Variants in ASCC3 observed in about 807,000 individuals in gnomAD.
The protein encoded by ASCC3 is activating signal cointegrator 1 complex subunit 3, also known as ASC-1 complex subunit P200.
A neutral mutation model predicts 256.3 loss-of-function variants in ASCC3; 158 were observed. That is an observed-to-expected ratio of 0.62 (90% CI 0.54 to 0.70). The LOEUF (loss-of-function observed/expected upper bound fraction) is 0.70, where lower values mean the gene tolerates loss of function less well. ASCC3 is among the 30% of genes least tolerant of loss of function. The pLI is 0.00. For missense variants in ASCC3, 2,259 were observed against 2,626.0 expected, an observed-to-expected ratio of 0.86 and a Z score of 3.05; for synonymous variants, 948 against 883.4, an observed-to-expected ratio of 1.07 and a Z score of -1.30.
intron 11 of ASCC3, 129 bp from the exon 12 acceptor site, chr6:100,718,380 C>G (rs1028057379): frequency 2.9e-6 from 2 of 678,986 alleles, no homozygotes; most frequent in African/African-American, 3.6e-5. Flanking sequence ...AATTGAGGGT[C>G]CTATCATGTC....
intron 4 of ASCC3, among the ~76,000 whole-genome samples, chr6:100,833,061 C>CA (rs1165501809): frequency 6.6e-6 from 1 of 151,884 alleles, no homozygotes; most frequent in African/African-American, 2.4e-5. Flanking sequence ...ACATATCCTT[C>CA]AATAGGTGAA....
At chr6:100,625,140 T>C (rs1051587538) in intron 30 of ASCC3, 52 bp downstream of exon 30, 2 of 1,598,430 alleles carry the variant, frequency 1.3e-6, no homozygotes, top group African/African-American at 1.3e-5. Context: ...ATCATTCTAA[T>C]ATAATACAAC....
At chr6:100,849,270 T>G (rs550039092) in intron 3 of ASCC3, among the ~76,000 whole-genome samples, 1 of 152,326 alleles carries the variant, frequency 6.6e-6, no homozygotes, top group African/African-American at 2.4e-5. Context: ...TAACAATCCT[T>G]ACAGCTTCTT....
intron 34 of ASCC3, among the ~76,000 whole-genome samples, chr6:100,596,418 A>G (rs1240810220): frequency 6.6e-6 from 1 of 152,108 alleles, no homozygotes; most frequent in Non-Finnish European, 1.5e-5. Context: ...TAACATGACT[A>G]ATTTAGTTGG....
chr6:100,718,909 T>TATCC (rs1393243830), intron 11 of ASCC3, among the ~76,000 whole-genome samples: 1 of 152,124 alleles, frequency 6.6e-6, no homozygotes, highest in African/African-American at 2.4e-5. Context: ...AACCAAGGGA[T>TATCC]GGCCAAAAAC....
intron 3 of ASCC3, among the ~76,000 whole-genome samples, chr6:100,849,223 A>C (rs1455974162): frequency 2.0e-5 from 3 of 152,330 alleles, no homozygotes; most frequent in Non-Finnish European, 2.9e-5. Flanking sequence ...AATCATTATC[A>C]GTAATTATTA....
At chr6:100,840,330 T>A (rs1484104934) in intron 4 of ASCC3, among the ~76,000 whole-genome samples, 1 of 151,380 alleles carries the variant, frequency 6.6e-6, no homozygotes, top group Non-Finnish European at 1.5e-5. Context: ...AGCATAAGAG[T>A]CTTTTTGTTT....
intron 36 of ASCC3, among the ~76,000 whole-genome samples, chr6:100,571,519 G>A (rs1368854584): frequency 6.6e-6 from 1 of 152,052 alleles, no homozygotes; most frequent in African/African-American, 2.4e-5. Flanking sequence ...TATCCTCCAT[G>A]GCTGGAATAT....
chr6:100,778,805 C>T (rs899746461), intron 8 of ASCC3, among the ~76,000 whole-genome samples: 7 of 152,016 alleles, frequency 4.6e-5, no homozygotes, highest in Admixed American at 3.9e-4. Flanking sequence ...CAAAGTCTTG[C>T]TTAGGAAGAG....
In ASCC3 at chr6:100,727,336, G is replaced by A. The variant is rs58665096; in HGVS notation, c.1738-1633C>T. 5.5e-3 allele frequency among the ~76,000 whole-genome samples: 839 copies of A among 151,884 alleles called. 9 individuals are homozygous for A. The highest frequency in any genetic ancestry group is 0.019 in the African/African-American group (799 of 41,474). On this transcript the variant is annotated intron_variant, in intron 10 of 41. Transcript: ENST00000369162. The stretch of plus-strand genomic sequence containing the variant: ...AATGAAGAACGTCACGCCCAAATCC[G>A]CGTATTCACAGACTTGTCCCAAAAG...
At chr6:100,728,107 C>A (rs1779723674) in intron 10 of ASCC3, among the ~76,000 whole-genome samples, 1 of 151,936 alleles carries the variant, frequency 6.6e-6, no homozygotes, top group Admixed American at 6.6e-5. Context: ...CATTAAGGTG[C>A]ACATATAAAT....
intron 1 of ASCC3, among the ~76,000 whole-genome samples, chr6:100,878,922 T>A (rs1488929268): frequency 2.0e-5 from 3 of 152,172 alleles, no homozygotes; most frequent in Non-Finnish European, 4.4e-5. Flanking sequence ...TACTGTCATA[T>A]CCCACAGATT....
At chr6:100,666,267 C>T (rs1776470757) in intron 14 of ASCC3, among the ~76,000 whole-genome samples, 1 of 152,102 alleles carries the variant, frequency 6.6e-6, no homozygotes, top group Non-Finnish European at 1.5e-5. Context: ...CAATTATAAA[C>T]AGAACATTTA....
intron 8 of ASCC3, among the ~76,000 whole-genome samples, chr6:100,771,338 T>C (rs987148237): frequency 6.6e-6 from 1 of 152,054 alleles, no homozygotes; most frequent in African/African-American, 2.4e-5. Context: ...GAAGAAAACA[T>C]GGAAGAAATT....
intron 8 of ASCC3, among the ~76,000 whole-genome samples, chr6:100,788,427 G>A (rs1475586716): frequency 2.0e-5 from 3 of 151,822 alleles, no homozygotes; most frequent in Admixed American, 6.6e-5. Context: ...ACAAAGATAA[G>A]TACATATTTA....
At chr6:100,699,234 C>T (rs239214) in intron 13 of ASCC3, among the ~76,000 whole-genome samples, 11,233 of 152,184 alleles carry the variant, frequency 0.074, 606 homozygotes, top group African/African-American at 0.15. Context: ...GGGACTAACA[C>T]GGTGGGAGGT....
chr6:100,656,225 A>T (rs192247605), intron 16 of ASCC3, among the ~76,000 whole-genome samples: 1 of 151,876 alleles, frequency 6.6e-6, no homozygotes, highest in African/African-American at 2.4e-5. Context: ...ACAACAAAAC[A>T]TTGTTAATTC....
intron 13 of ASCC3, among the ~76,000 whole-genome samples, chr6:100,682,757 A>G (rs1777371104): frequency 6.6e-6 from 1 of 152,234 alleles, no homozygotes; most frequent in South Asian, 2.1e-4. Flanking sequence ...TTAAAGTTGC[A>G]TAAAGGAGGC....
intron 8 of ASCC3, among the ~76,000 whole-genome samples, chr6:100,775,065 T>C (rs1178813312): frequency 6.6e-6 from 1 of 152,126 alleles, no homozygotes; most frequent in Non-Finnish European, 1.5e-5. Context: ...GCTGACCTTT[T>C]CTTCACTCAT....
Sources: gnomAD v4.1 joint callset for allele counts (sites outside exome capture counted in the v4.1 genomes callset) on GRCh38, gnomAD v4.1.1 for gene constraint, MANE v1.5 for transcripts, NCBI Gene and HGNC (gene_info 2026-07-23, HGNC 2026-07-21) for gene names.